ANGEL1: variants seen among roughly 807,000 people sequenced by gnomAD.
ANGEL1 encodes the protein RNA 2',3'-cyclic phosphatase ANGEL1.
ANGEL1 carries 62 observed loss-of-function variants against 76.4 expected under a neutral mutation model. The observed-to-expected ratio is 0.81, with a 90% CI of 0.66 to 1.00. ANGEL1 has a LOEUF of 1.00. Among genes scored for constraint, ANGEL1 ranks in the 50% least tolerant of loss-of-function variants. ANGEL1 has a pLI of 0.00. For missense variants in ANGEL1, 737 were observed against 836.7 expected (o/e 0.88, Z 1.47); for synonymous variants, 340 against 331.7 (o/e 1.03, Z -0.27).
rs1313872498 is a variant in ANGEL1, at chr14:76,807,337, G to A, written c.946+96C>T. The A allele has an allele frequency of 5.5e-6, 7 of 1,267,528 alleles. No homozygotes were observed. In the Middle Eastern group the frequency reaches 5.6e-4, roughly 101 times the overall value. 78.5% of individuals were successfully genotyped at this position (1,267,528 alleles called of 1,614,324 possible). A position where few individuals can be genotyped will look rare whatever the true frequency, so the allele number is the denominator to read the frequency against. ...AGCTAGCTCACAGGTGAAACTGAGG[G>A]TTTACTAAGACAAAAGGAAAGGATG... On this transcript the variant is annotated intron_variant, in intron 4 of 9. Coordinates refer to ENST00000251089, the MANE Select transcript of ANGEL1 (RefSeq NM_015305.4).
chr14:76,794,643 C>T (rs1466641311), intron 7 of ANGEL1, among the ~76,000 whole-genome samples: 4 of 146,588 alleles, frequency 2.7e-5, no homozygotes, highest in Non-Finnish European at 5.9e-5. Context: ...TGCACTCCAG[C>T]GTGGGCAACG....
At chr14:76,808,221 C>A in intron 2 of ANGEL1, 73 bp from the exon 3 acceptor site, 1 of 1,305,898 alleles carries the variant, frequency 7.7e-7, no homozygotes, top group Non-Finnish European at 1.1e-6. Context: ...CCACTCCTGA[C>A]TCAGTAATAT....
At chr14:76,796,435 G>T (rs1366335694) in intron 7 of ANGEL1, among the ~76,000 whole-genome samples, 4 of 151,424 alleles carry the variant, frequency 2.6e-5, no homozygotes, top group Non-Finnish European at 5.9e-5. Flanking sequence ...TTTCCATTTT[G>T]TGTAGAGACA....
chr14:76,812,387 C>A, intron 1 of ANGEL1: 1 of 1,063,184 alleles, frequency 9.4e-7, no homozygotes. Context: ...TTTGGGCACT[C>A]GCCTAGGTCC....
At chr14:76,802,094 C>G (rs966528589) in intron 7 of ANGEL1, among the ~76,000 whole-genome samples, 1 of 152,094 alleles carries the variant, frequency 6.6e-6, no homozygotes, top group Non-Finnish European at 1.5e-5. Flanking sequence ...ATTGCTTGAA[C>G]CCAGGAGGCA....
chr14:76,809,288 C>T lies in ANGEL1; in HGVS notation c.420G>A (p.Glu140=), dbSNP rs1895014342. The change falls in exon 2 of 10, where the codon GAG becomes GAA. Residue 140 remains glutamate, a synonymous_variant. Transcript: ENST00000251089. Reference sequence around the variant, plus strand: ...CTGCCCACATGGAGCCCTCCACCCCCTCCACCTCCAGCAGTGGCTCCTCTC... The same window carrying T: ...CTGCCCACATGGAGCCCTCCACCCCTTCCACCTCCAGCAGTGGCTCCTCTC... ...MLGEEPLLEV[E]GVEGSMWAAI... is the part of the protein sequence containing the mutation. 1 of 1,613,986 alleles carries T rather than the reference C, an allele frequency of 6.2e-7. No homozygotes were observed. The highest frequency in any genetic ancestry group is 8.5e-7 in the Non-Finnish European group (1 of 1,179,870).
intron 7 of ANGEL1, 101 bp downstream of exon 7, chr14:76,803,270 T>A (rs1014334783): frequency 3.8e-5 from 36 of 950,032 alleles, no homozygotes; most frequent in Non-Finnish European, 5.7e-5. Flanking sequence ...GAAGCTAATC[T>A]CTAAGAATTA....
rs1445012319 is a variant in ANGEL1, at chr14:76,803,500, C to T, written c.1508-19G>A. On this transcript the variant is annotated intron_variant, in intron 6 of 9. Transcript: ENST00000251089. Reference sequence around the variant, plus strand: ...CGTCTCTCTGTAAACCAGGAAAAGACATATAGTGAAAGAAAGACGATGAAG... The same window carrying T: ...CGTCTCTCTGTAAACCAGGAAAAGATATATAGTGAAAGAAAGACGATGAAG... The T allele has an allele frequency of 1.2e-6, 2 of 1,611,746 alleles. No individual in the cohort carries two copies. Among genetic ancestry groups the T allele is most frequent in the Admixed American group, 3.3e-5 (2 of 59,968 alleles).
intron 2 of ANGEL1, 44 bp from the exon 3 acceptor site, chr14:76,808,192 T>C (rs1894978058): frequency 1.9e-6 from 3 of 1,544,726 alleles, no homozygotes; most frequent in South Asian, 2.3e-5. Context: ...GTATGAGTAA[T>C]GCAGAGGTGC....
intron 7 of ANGEL1, among the ~76,000 whole-genome samples, chr14:76,797,640 T>C (rs920209244): frequency 2.0e-5 from 3 of 152,212 alleles, no homozygotes; most frequent in Non-Finnish European, 4.4e-5. Context: ...TAGCCTTTGC[T>C]GTGTGACTGT....
chr14:76,809,447 G>C lies in ANGEL1; in HGVS notation c.261C>G (p.Ala87=), dbSNP rs1382404546. The C allele has an allele frequency of 1.2e-6, 2 of 1,614,008 alleles. No homozygotes were observed. Among genetic ancestry groups the C allele is most frequent in the African/African-American group, 2.7e-5 (2 of 74,902 alleles). The change falls in exon 2 of 10, where the codon GCC becomes GCG. Residue 87 remains alanine, a synonymous_variant. Transcript: ENST00000251089. The part of the protein sequence containing the change: ...SEGPLIDKGL[A]QSSLALLMDN... Reference sequence around the variant, plus strand: ...CCATCAGAAGTGCCAGGCTGCTCTGGGCTAGTCCTTTATCTATAAGGGGCC... The same window carrying C: ...CCATCAGAAGTGCCAGGCTGCTCTGCGCTAGTCCTTTATCTATAAGGGGCC...
chr14:76,812,177 G>A (rs1254863390), intron 1 of ANGEL1: 2 of 931,896 alleles, frequency 2.1e-6, no homozygotes, highest in Non-Finnish European at 1.3e-6. Flanking sequence ...TAAACCGCCG[G>A]GAGTGGGGGC....
Position 76,812,764 on chromosome 14 carries a change from C to G in ANGEL1, c.64G>C (p.Asp22His). Residue 22 changes from aspartate to histidine, a missense_variant and splice_region_variant, in exon 1 of 10, where the codon GAT becomes CAT. By Grantham distance (81) the Asp-to-His change is moderately conservative (BLOSUM62 -1). This residue lies in a region of ANGEL1 where 441 missense variants were observed against 449.5 expected (regional missense o/e 0.98). Coordinates refer to ENST00000251089, the MANE Select transcript of ANGEL1 (RefSeq NM_015305.4). ...GTCTGTCGGTACGCCTGGCCGGTAC[C>G]TGAGAGGGCGCGGAAGAGGCGCGTG... Reference protein sequence around the residue: ...PATRLFRALSDAFFTCRKNVL... With the variant: ...PATRLFRALSHAFFTCRKNVL... The G allele has an allele frequency of 6.6e-7, 1 of 1,521,840 alleles. No individual in the cohort carries two copies. Among genetic ancestry groups the G allele is most frequent in the South Asian group, 1.2e-5 (1 of 81,914 alleles). The allele number at this position is 1,521,840 out of a possible 1,614,324, so 94.3% of individuals were successfully genotyped here.
intron 7 of ANGEL1, among the ~76,000 whole-genome samples, chr14:76,801,346 A>G (rs2293803): frequency 0.42 from 64,351 of 151,876 alleles, 13,903 homozygotes; most frequent in Middle Eastern, 0.49. Context: ...TCCTGGGCTC[A>G]AGCAATCCTT....
intron 8 of ANGEL1, 87 bp downstream of exon 8, chr14:76,791,210 G>A: frequency 2.8e-6 from 4 of 1,436,636 alleles, no homozygotes; most frequent in South Asian, 1.2e-5. Context: ...GCTCCCCCAA[G>A]TCAACCTCAG....
intron 7 of ANGEL1, among the ~76,000 whole-genome samples, chr14:76,801,853 T>C (rs1161910474): frequency 6.6e-6 from 1 of 152,208 alleles, no homozygotes; most frequent in Non-Finnish European, 1.5e-5. Flanking sequence ...TTGTGCTCTT[T>C]CTTTCATAAA....
rs1258128932 is a variant in ANGEL1 at position 76,809,226 on chromosome 14, C to G, written c.482G>C (p.Cys161Ser). The G allele has an allele frequency of 1.2e-6, 2 of 1,613,126 alleles. No homozygotes were observed. Among genetic ancestry groups the G allele is most frequent in the African/African-American group, 1.3e-5 (1 of 74,900 alleles). Residue 161 changes from cysteine to serine, a missense_variant, in exon 2 of 10, where the codon TGT (cysteine) becomes TCT (serine). By Grantham distance (112) the Cys-to-Ser change is moderately radical. Transcript: ENST00000251089. ...PMQSEPQYADCAALPVGALAT... is the reference protein window; with the variant it reads ...PMQSEPQYADSAALPVGALAT... ...CAGGGCACCCACTGGGAGGGCAGCA[C>G]AGTCTGCATACTGGGGCTCCGACTG...
At chr14:76,789,413 G>A (rs1894331800) in intron 9 of ANGEL1, 25 bp from the exon 10 acceptor site, 1 of 1,613,016 alleles carries the variant, frequency 6.2e-7, no homozygotes, top group Non-Finnish European at 8.5e-7. Flanking sequence ...AGAAGCCAAT[G>A]GGTAAAAGCA....
Position 76,790,738 on chromosome 14 carries a change from C to G in ANGEL1, c.1725G>C (p.Thr575=). The part of the protein sequence containing the change: ...VGTIQHCLHL[T]SVYTHFLPQR... ...GGGGCAGGAAGTGGGTATATACTGA[C>G]GTCAGGTGGAGGCAGTGCTGGATGG... The change falls in exon 9 of 10, where the codon ACG becomes ACC. Residue 575 remains threonine (T), a synonymous_variant. Coordinates refer to ENST00000251089, the MANE Select transcript of ANGEL1 (RefSeq NM_015305.4). 1.2e-6 allele frequency: 2 copies of G among 1,614,062 alleles called. No individual in the cohort carries two copies. The highest frequency in any genetic ancestry group is 8.5e-7 in the Non-Finnish European group (1 of 1,179,986).
Sources: allele counts gnomAD v4.1 joint callset (sites outside exome capture counted in the v4.1 genomes callset), GRCh38; gene constraint gnomAD v4.1.1; regional missense constraint gnomAD v4.1.1; transcripts MANE v1.5; gene names NCBI Gene and HGNC (gene_info 2026-07-23, HGNC 2026-07-21).